PRKCB: variants seen among roughly 807,000 people sequenced by gnomAD.
PRKCB encodes protein kinase C beta.
PRKCB carries 13 observed loss-of-function variants against 81.5 expected under a neutral mutation model. The observed-to-expected ratio is 0.16, with a 90% CI of 0.10 to 0.25. The LOEUF (loss-of-function observed/expected upper bound fraction) is 0.25. Ranked by LOEUF, PRKCB falls within the 10% of genes least tolerant of loss-of-function variation. The pLI, the probability that PRKCB is intolerant of heterozygous loss-of-function variation, is 1.00. For missense variants in PRKCB, 509 were observed against 875.7 expected, an observed-to-expected ratio of 0.58 and a Z score of 5.29; for synonymous variants, 335 against 321.4, an observed-to-expected ratio of 1.04 and a Z score of -0.45.
Position 24,092,944 on chromosome 16 carries a change from G to A in PRKCB, c.683G>A (p.Arg228Lys). ...AACCCTGAGTGGAATGAGACATTTA[G>A]ATTGTAAGTGGAAATGACTGCAGTG... The part of the protein sequence containing the change: ...SLNPEWNETF[R>K]FQLKESDKDR... The change falls in exon 6 of 17, where the codon AGA becomes AAA. Residue 228 changes from arginine (R) to lysine (K), a missense_variant. By Grantham distance (26) the Arg-to-Lys change is conservative. This residue lies in a region of PRKCB where 184 missense variants were observed against 362.9 expected (regional missense o/e 0.51). Transcript: ENST00000643927. 1.2e-6 allele frequency: 2 copies of A among 1,613,474 alleles called. No individual in the cohort carries two copies. Among genetic ancestry groups the A allele is most frequent in the Non-Finnish European group, 1.7e-6 (2 of 1,179,922 alleles).
chr16:23,877,690 A>G (rs1963038329), intron 2 of PRKCB, among the ~76,000 whole-genome samples: 1 of 152,218 alleles, frequency 6.6e-6, no homozygotes, highest in African/African-American at 2.4e-5. Flanking sequence ...ATTTCATTTC[A>G]GTCTTTAAGC....
chr16:23,993,472 T>A (rs896737581), intron 3 of PRKCB, among the ~76,000 whole-genome samples: 1 of 152,164 alleles, frequency 6.6e-6, no homozygotes, highest in African/African-American at 2.4e-5. Context: ...GAGATTAGAA[T>A]GCCAGAGTGG....
intron 3 of PRKCB, among the ~76,000 whole-genome samples, chr16:23,997,091 T>TC (rs1247604574): frequency 6.6e-6 from 1 of 152,142 alleles, no homozygotes; most frequent in Non-Finnish European, 1.5e-5. Context: ...GAGGAATACT[T>TC]CCAGCAGGAG....
intron 8 of PRKCB, among the ~76,000 whole-genome samples, chr16:24,113,782 C>T (rs972250924): frequency 6.6e-6 from 1 of 152,054 alleles, no homozygotes; most frequent in Non-Finnish European, 1.5e-5. Context: ...TTCAAGACCC[C>T]AATTAAATGC....
intron 2 of PRKCB, among the ~76,000 whole-genome samples, chr16:23,880,704 T>G (rs1963092503): frequency 6.8e-6 from 1 of 146,608 alleles, no homozygotes; most frequent in Non-Finnish European, 1.5e-5. Flanking sequence ...TTTTCTTCGC[T>G]AAAACATTTT....
intron 15 of PRKCB, among the ~76,000 whole-genome samples, chr16:24,190,557 C>A (rs1306759833): frequency 7.6e-5 from 10 of 131,640 alleles, no homozygotes; most frequent in African/African-American, 1.8e-4. Context: ...CTCTCTCTGT[C>A]GCCAGACTGT....
intron 3 of PRKCB, among the ~76,000 whole-genome samples, chr16:24,003,138 C>T (rs1189578920): frequency 6.6e-6 from 1 of 152,146 alleles, no homozygotes; most frequent in Non-Finnish European, 1.5e-5. Context: ...TCTTACTAGC[C>T]TCCAATCCCT....
intron 9 of PRKCB, among the ~76,000 whole-genome samples, chr16:24,143,454 G>A (rs141755932): frequency 6.6e-5 from 10 of 152,168 alleles, no homozygotes; most frequent in African/African-American, 2.2e-4. Flanking sequence ...TAAGACAGAG[G>A]GAGGGTATAG....
Position 24,215,149 on chromosome 16 carries a change from T to A in PRKCB, c.*333T>A. 9.3e-7 allele frequency: 1 copy of A among 1,080,396 alleles called. No individual in the cohort carries two copies. The highest frequency in any genetic ancestry group is 1.1e-6 in the Non-Finnish European group (1 of 886,478). The allele number at this position is 1,080,396 out of a possible 1,614,324, so 66.9% of individuals were successfully genotyped here. On this transcript the variant is annotated 3_prime_UTR_variant, in exon 17 of 17. Transcript: ENST00000643927. ...TCCCTCTTTTTCTGCACTGCCATATTCACCCCCAACCATCCAATCTGTGGA... is the reference window on the plus strand; with the variant it reads ...TCCCTCTTTTTCTGCACTGCCATATACACCCCCAACCATCCAATCTGTGGA...
At chr16:24,002,369 G>C (rs1029152703) in intron 3 of PRKCB, among the ~76,000 whole-genome samples, 2 of 151,994 alleles carry the variant, frequency 1.3e-5, no homozygotes, top group African/African-American at 4.8e-5. Context: ...GTGTGAAATG[G>C]AGTCTCTTTC....
intron 3 of PRKCB, among the ~76,000 whole-genome samples, chr16:24,005,631 A>G (rs1965106478): frequency 6.6e-6 from 1 of 152,138 alleles, no homozygotes; most frequent in Non-Finnish European, 1.5e-5. Flanking sequence ...TGCTTCTAAT[A>G]AGATTCTGGC....
intron 2 of PRKCB, among the ~76,000 whole-genome samples, chr16:23,901,902 C>T (rs906914096): frequency 2.0e-5 from 3 of 152,202 alleles, no homozygotes; most frequent in Non-Finnish European, 2.9e-5. Context: ...CTGGTGCAGA[C>T]AGACACTGTG....
At chr16:24,014,094 G>A (rs1965242087) in intron 3 of PRKCB, among the ~76,000 whole-genome samples, 1 of 152,212 alleles carries the variant, frequency 6.6e-6, no homozygotes, top group Non-Finnish European at 1.5e-5. Flanking sequence ...GAGCTTCTGT[G>A]ACAGAGGGTG....
At chr16:24,203,135 G>A (rs2141988022) in intron 16 of PRKCB, 1 of 152,032 alleles carries the variant, frequency 6.6e-6, no homozygotes, top group African/African-American at 2.4e-5. Context: ...GACTAAGGCA[G>A]GATTGCTTGA....
chr16:24,100,533 C>T (rs1452579148), intron 7 of PRKCB, among the ~76,000 whole-genome samples: 4 of 152,162 alleles, frequency 2.6e-5, no homozygotes, highest in African/African-American at 9.7e-5. Flanking sequence ...CTTTTCTGCT[C>T]CTTCTGCTGC....
At chr16:24,209,140 G>C (rs906808436) in intron 16 of PRKCB, among the ~76,000 whole-genome samples, 1 of 152,114 alleles carries the variant, frequency 6.6e-6, no homozygotes, top group African/African-American at 2.4e-5. Context: ...AAAGAAAAAT[G>C]GTCCCTGAAG....
intron 2 of PRKCB, among the ~76,000 whole-genome samples, chr16:23,846,584 T>C (rs1006067003): frequency 1.6e-4 from 19 of 115,448 alleles, no homozygotes; most frequent in Non-Finnish European, 2.9e-4. Flanking sequence ...CACTCCAGCC[T>C]GGCGACAGAG....
chr16:23,943,205 T>C (rs1340479252), intron 2 of PRKCB, among the ~76,000 whole-genome samples: 1 of 152,150 alleles, frequency 6.6e-6, no homozygotes, highest in Non-Finnish European at 1.5e-5. Context: ...AAAATGATCA[T>C]CTACCTTAGG....
chr16:23,927,583 T>C (rs372478550), intron 2 of PRKCB, among the ~76,000 whole-genome samples: 5 of 152,088 alleles, frequency 3.3e-5, no homozygotes, highest in African/African-American at 1.2e-4. Context: ...GGAAGGATCT[T>C]GGGTTAGGAG....
Sources: allele counts gnomAD v4.1 joint callset (sites outside exome capture counted in the v4.1 genomes callset), GRCh38; gene constraint gnomAD v4.1.1; regional missense constraint gnomAD v4.1.1; transcripts MANE v1.5; gene names NCBI Gene and HGNC (gene_info 2026-07-23, HGNC 2026-07-21).